WDR72: variants seen among roughly 807,000 people sequenced by gnomAD.
WDR72 encodes the protein WD repeat domain 72, also known as WD repeat-containing protein 72.
In WDR72, 120 loss-of-function variants were observed where a neutral mutation model predicts 124.2. The observed-to-expected ratio is 0.97, with a 90% CI of 0.83 to 1.12. The LOEUF is 1.12. Ranked by LOEUF, WDR72 falls within the 50% of genes most tolerant of loss-of-function variation. The pLI is 0.00. For synonymous variants in WDR72, 452 were observed against 441.7 expected, an observed-to-expected ratio of 1.02 and a Z score of -0.29; for missense variants, 1,387 against 1,278.8, an observed-to-expected ratio of 1.08 and a Z score of -1.29.
chr15:53,741,731 ATT>A (rs145376508), intron 1 of WDR72, among the ~76,000 whole-genome samples: 100 of 145,604 alleles, frequency 6.9e-4, no homozygotes, highest in East Asian at 1.2e-3. Flanking sequence ...TGTGATCCAG[ATT>A]TTTTTTTTTT....
rs535383292 is a variant in WDR72 at position 53,583,786 on chromosome 15, C to A, written c.3148+13293G>T. Among the ~76,000 whole-genome samples the A allele has an allele frequency of 7.9e-5, 12 of 151,946 alleles. 1 individual carries two copies. The South Asian group carries it at 2.5e-3, about 32-fold the overall frequency. On this transcript the variant is annotated intron_variant, in intron 18 of 19. Transcript: ENST00000360509. The stretch of plus-strand genomic sequence containing the variant: ...TCAGCAGTTGGAAAGAAACATAAGT[C>A]AATGGCATAAGGGAAGTAGGTGATG...
At chr15:53,549,611 T>A (rs955361550) in intron 18 of WDR72, among the ~76,000 whole-genome samples, 10 of 152,096 alleles carry the variant, frequency 6.6e-5, no homozygotes, top group Non-Finnish European at 1.2e-4. Context: ...GATTTTTTTT[T>A]AAAAGATGAG....
chr15:53,682,312 T>G (rs2016418999), intron 13 of WDR72, among the ~76,000 whole-genome samples: 1 of 151,520 alleles, frequency 6.6e-6, no homozygotes, highest in Non-Finnish European at 1.5e-5. Flanking sequence ...GGTGGGCCTG[T>G]GGGGTGGGAG....
chr15:53,758,293 G>A (rs983870482), intron 1 of WDR72, among the ~76,000 whole-genome samples: 8 of 151,982 alleles, frequency 5.3e-5, no homozygotes, highest in African/African-American at 1.7e-4. Flanking sequence ...GAGCCACAGC[G>A]CCCAGCCTAG....
At chr15:53,522,810 A>C (rs144209141) in intron 19 of WDR72, among the ~76,000 whole-genome samples, 11 of 152,036 alleles carry the variant, frequency 7.2e-5, no homozygotes, top group Non-Finnish European at 1.2e-4. Flanking sequence ...TAGAAAGGTA[A>C]ATAGAATTGT....
At chr15:53,564,136 G>A (rs1894218530) in intron 18 of WDR72, among the ~76,000 whole-genome samples, 2 of 151,762 alleles carry the variant, frequency 1.3e-5, no homozygotes, top group Admixed American at 6.6e-5. Flanking sequence ...TGTTTTAACA[G>A]TCATTAATTC....
intron 1 of WDR72, among the ~76,000 whole-genome samples, chr15:53,745,211 T>C (rs1301467631): frequency 1.3e-5 from 2 of 152,170 alleles, no homozygotes; most frequent in Non-Finnish European, 2.9e-5. Flanking sequence ...TCTGCATAGA[T>C]AACTTTTATC....
intron 14 of WDR72, among the ~76,000 whole-genome samples, chr15:53,633,535 A>G (rs1437899421): frequency 6.6e-6 from 1 of 152,230 alleles, no homozygotes; most frequent in Non-Finnish European, 1.5e-5. Context: ...CAAAAATAAA[A>G]TTAACAAAAC....
At chr15:53,519,767 T>C (rs1379142489) in intron 19 of WDR72, among the ~76,000 whole-genome samples, 5 of 152,092 alleles carry the variant, frequency 3.3e-5, no homozygotes, top group African/African-American at 1.2e-4. Context: ...ATGAATAAGG[T>C]AGAGTGCTCT....
intron 18 of WDR72, among the ~76,000 whole-genome samples, chr15:53,578,289 T>C (rs1390177218): frequency 6.6e-6 from 1 of 152,018 alleles, no homozygotes; most frequent in East Asian, 1.9e-4. Context: ...AAGTACAGGT[T>C]AGGTCACTTA....
intron 18 of WDR72, among the ~76,000 whole-genome samples, chr15:53,576,892 T>A (rs1347549623): frequency 5.3e-5 from 8 of 152,140 alleles, no homozygotes; most frequent in Non-Finnish European, 1.0e-4. Flanking sequence ...GGAAATCTGG[T>A]TTTTATATGT....
intron 1 of WDR72, among the ~76,000 whole-genome samples, chr15:53,734,831 A>T (rs992901785): frequency 3.3e-5 from 5 of 151,438 alleles, no homozygotes; most frequent in African/African-American, 1.2e-4. Flanking sequence ...TAATAATATT[A>T]TATATAATTC....
At chr15:53,631,711 T>C in intron 14 of WDR72, among the ~76,000 whole-genome samples, 1 of 152,172 alleles carries the variant, frequency 6.6e-6, no homozygotes, top group Non-Finnish European at 1.5e-5. Flanking sequence ...TAAAGGTCAC[T>C]TTGTTATGCT....
At chr15:53,734,729 A>G (rs1242971880) in intron 1 of WDR72, among the ~76,000 whole-genome samples, 1 of 151,906 alleles carries the variant, frequency 6.6e-6, no homozygotes, top group African/African-American at 2.4e-5. Flanking sequence ...CAGAAAAACT[A>G]CCCCAGGAAG....
intron 14 of WDR72, among the ~76,000 whole-genome samples, chr15:53,618,813 G>A (rs2013871658): frequency 6.6e-6 from 1 of 151,936 alleles, no homozygotes; most frequent in Non-Finnish European, 1.5e-5. Flanking sequence ...TGAAGTTGTT[G>A]GGCTTATCCC....
At chr15:53,672,231 T>C (rs1319571783) in intron 13 of WDR72, among the ~76,000 whole-genome samples, 2 of 149,980 alleles carry the variant, frequency 1.3e-5, no homozygotes, top group Non-Finnish European at 3.0e-5. Flanking sequence ...ATAGACAGCA[T>C]GTGGAGTTCC....
At chr15:53,642,001 G>T (rs2014869786) in intron 14 of WDR72, among the ~76,000 whole-genome samples, 1 of 151,676 alleles carries the variant, frequency 6.6e-6, no homozygotes, top group Non-Finnish European at 1.5e-5. Flanking sequence ...AATAATAGCA[G>T]AAATTGTAGA....
chr15:53,554,401 T>A (rs1349711077), intron 18 of WDR72, among the ~76,000 whole-genome samples: 1 of 152,140 alleles, frequency 6.6e-6, no homozygotes, highest in Non-Finnish European at 1.5e-5. Flanking sequence ...TCCCATTATC[T>A]TCCCAAAATA....
At chr15:53,569,730 G>A (rs138226190) in intron 18 of WDR72, among the ~76,000 whole-genome samples, 2 of 152,162 alleles carry the variant, frequency 1.3e-5, no homozygotes, top group East Asian at 3.9e-4. Flanking sequence ...GAGGTTTGCT[G>A]TCATGAGAGT....
Sources: gnomAD v4.1 joint callset for allele counts (sites outside exome capture counted in the v4.1 genomes callset) on GRCh38, gnomAD v4.1.1 for gene constraint, MANE v1.5 for transcripts, NCBI Gene and HGNC (gene_info 2026-07-23, HGNC 2026-07-21) for gene names.